Variants in SIK3 observed in about 807,000 individuals in gnomAD.
SIK3 encodes the protein serine/threonine-protein kinase SIK3.
A neutral mutation model predicts 144.2 loss-of-function variants in SIK3; 28 were observed. That is an observed-to-expected ratio of 0.19 (90% CI 0.14 to 0.27). The LOEUF (loss-of-function observed/expected upper bound fraction) is 0.27. Among genes scored for constraint, SIK3 ranks in the 10% least tolerant of loss-of-function variants. The pLI is 1.00. For synonymous variants in SIK3, 686 were observed against 676.3 expected (o/e 1.01, Z -0.22); for missense variants, 1,319 against 1,776.0 (o/e 0.74, Z 4.62).
intron 14 of SIK3, among the ~76,000 whole-genome samples, chr11:116,868,371 C>T (rs1263448375): frequency 6.6e-6 from 1 of 152,224 alleles, no homozygotes; most frequent in African/African-American, 2.4e-5. Flanking sequence ...CTTTTCCTTG[C>T]TTCATTCTAC....
intron 1 of SIK3, among the ~76,000 whole-genome samples, chr11:117,001,547 A>G (rs75858236): frequency 0.16 from 24,578 of 151,928 alleles, 2,106 homozygotes; most frequent in Admixed American, 0.21. Flanking sequence ...AGCTGGGCAC[A>G]GTGGCTCACG....
intron 1 of SIK3, among the ~76,000 whole-genome samples, chr11:116,971,090 A>T (rs1949750472): frequency 6.6e-6 from 1 of 152,194 alleles, no homozygotes; most frequent in Non-Finnish European, 1.5e-5. Flanking sequence ...GCATAACACC[A>T]CTGTTTGCCC....
chr11:117,050,427 T>C (rs145339787), intron 1 of SIK3, among the ~76,000 whole-genome samples: 8,622 of 152,236 alleles, frequency 0.057, 530 homozygotes, highest in African/African-American at 0.15. Flanking sequence ...GGCTCATGCC[T>C]GTAATCCCAG....
chr11:116,861,131 C>G lies in SIK3; in HGVS notation c.2425+143G>C, dbSNP rs912080967. ...AAACTGATGGAACCAGGATGCAAAC[C>G]AAAGCAGCTTGGCTCTAGAGTCCAT... On this transcript the variant is annotated intron_variant, in intron 19 of 24. Transcript: ENST00000445177. The G allele has an allele frequency of 2.4e-5, 16 of 668,406 alleles. No individual in the cohort carries two copies. The Admixed American group carries it at 5.3e-4, about 22-fold the overall frequency. 41.4% of individuals were successfully genotyped at this position (668,406 alleles called of 1,614,324 possible). A position where few individuals can be genotyped will look rare whatever the true frequency, so the allele number is the denominator to read the frequency against.
rs1230323133 is a variant in SIK3, at chr11:116,859,348, G to A, written c.2682C>T (p.His894=). The stretch of plus-strand genomic sequence containing the variant: ...TGAGGGTGGCCATCAGGTTGGTACG[G>A]TGCTGCATCTGCATCTGACCAGCAC... ...SPSAGQMQMQ[H]RTNLMATLSY... is the part of the protein sequence containing the mutation. Residue 894 remains histidine, a synonymous_variant, in exon 20 of 25, where the codon CAC becomes CAT. Transcript: ENST00000445177. 1 of 1,614,188 alleles carries A rather than the reference G, an allele frequency of 6.2e-7. No individual in the cohort carries two copies. The highest frequency in any genetic ancestry group is 1.1e-5 in the South Asian group (1 of 91,082).
chr11:116,974,525 G>C (rs1248432960), intron 1 of SIK3, among the ~76,000 whole-genome samples: 1 of 151,880 alleles, frequency 6.6e-6, no homozygotes, highest in East Asian at 1.9e-4. Context: ...CCAGCGACTG[G>C]GCCTACAGGC....
chr11:116,974,856 T>C (rs1949891233), intron 1 of SIK3, among the ~76,000 whole-genome samples: 1 of 152,220 alleles, frequency 6.6e-6, no homozygotes, highest in African/African-American at 2.4e-5. Context: ...ATAATGTTAG[T>C]TAAGGAATCC....
chr11:117,055,725 C>T lies in SIK3; in HGVS notation c.273+42418G>A, dbSNP rs75522395. ...GCCTCTAAAAGTCAGATGTTGCCAA[C>T]GTGATGGTATTAAGAAGTCGGGCCT... On this transcript the variant is annotated intron_variant, in intron 1 of 24. Coordinates refer to ENST00000445177, the MANE Select transcript of SIK3 (RefSeq NM_001366686.3). Among the ~76,000 whole-genome samples, 877 of 152,324 alleles carry T rather than the reference C, an allele frequency of 5.8e-3. 9 individuals are homozygous for T. The highest frequency in any genetic ancestry group is 0.02 in the African/African-American group (815 of 41,572).
intron 1 of SIK3, among the ~76,000 whole-genome samples, chr11:117,036,349 G>A (rs1240840271): frequency 6.6e-6 from 1 of 152,164 alleles, no homozygotes; most frequent in Non-Finnish European, 1.5e-5. Flanking sequence ...AGGTTTGGAA[G>A]ACCCATTCTG....
chr11:116,920,629 T>C (rs1418039247), intron 4 of SIK3, among the ~76,000 whole-genome samples: 2 of 152,216 alleles, frequency 1.3e-5, no homozygotes, highest in Non-Finnish European at 2.9e-5. Flanking sequence ...TTATTAACAC[T>C]TGCTGGAATT....
intron 1 of SIK3, among the ~76,000 whole-genome samples, chr11:117,003,994 T>C (rs1591517953): frequency 6.6e-6 from 1 of 152,220 alleles, no homozygotes; most frequent in South Asian, 2.1e-4. Flanking sequence ...ATGGAGAATA[T>C]GGGGAAAAAA....
At position 116,929,498 on chromosome 11, in the gene SIK3, A is replaced by AT. The variant is rs1190485863; in HGVS notation, c.455-2119dup. On this transcript the variant is annotated intron_variant, in intron 3 of 24. Transcript: ENST00000445177. ...TCTTTTATTAAGAAAGTCTTTATAA[A>AT]TTTCTAAGTACCTTGTTTTCCTAAA... is the stretch of plus-strand genomic sequence containing the variant. Among the ~76,000 whole-genome samples the AT allele has an allele frequency of 2.1e-3, 314 of 151,368 alleles. 3 individuals carry two copies. The highest frequency in any genetic ancestry group is 7.2e-3 in the African/African-American group (293 of 40,760).
At position 117,005,213 on chromosome 11, in the gene SIK3, C is replaced by T. The variant is rs572382444; in HGVS notation, c.274-48149G>A. 4.7e-4 allele frequency among the ~76,000 whole-genome samples: 71 copies of T among 151,658 alleles called. 1 individual carries two copies. The highest frequency in any genetic ancestry group is 3.4e-3 in the Middle Eastern group (1 of 294). On this transcript the variant is annotated intron_variant, in intron 1 of 24. Transcript: ENST00000445177. ...ATCCCAGCACTTTGGGAGGCTGAGG[C>T]GGGCAGATCACCTGAGGTCAGGAGT...
At position 117,098,169 on chromosome 11, in the gene SIK3, C is replaced by A; in HGVS notation, c.247G>T (p.Ala83Ser). 1.3e-6 allele frequency: 2 copies of A among 1,516,394 alleles called. No homozygotes were observed. The allele number at this position is 1,516,394 out of a possible 1,614,324, so 93.9% of individuals were successfully genotyped here. A position where few individuals can be genotyped will look rare whatever the true frequency, so the allele number is the denominator to read the frequency against. ...GKGNFAVVKR[A>S]THLVTKAKVA... ...TTGGCCTTGGTGACGAGGTGCGTGGCCCGCTTGACCACCGCGAAGTTGCCC... is the reference window on the plus strand; with the variant it reads ...TTGGCCTTGGTGACGAGGTGCGTGGACCGCTTGACCACCGCGAAGTTGCCC... The change falls in exon 1 of 25, where the codon GCC becomes TCC. Residue 83 changes from alanine to serine, a missense_variant. Physicochemically the swap from Ala to Ser is moderately conservative, Grantham distance 99. Around this residue, in one of 8 missense-constraint regions of SIK3, gnomAD observed 125 missense variants for 285.2 expected, o/e 0.44. Coordinates refer to ENST00000445177, the MANE Select transcript of SIK3 (RefSeq NM_001366686.3).
intron 1 of SIK3, among the ~76,000 whole-genome samples, chr11:117,042,115 T>C (rs749481750): frequency 6.6e-6 from 1 of 152,184 alleles, no homozygotes; most frequent in Non-Finnish European, 1.5e-5. Context: ...CAACTGCTAA[T>C]AACTGACTTC....
At chr11:116,999,263 T>C (rs1317757881) in intron 1 of SIK3, among the ~76,000 whole-genome samples, 3 of 152,238 alleles carry the variant, frequency 2.0e-5, no homozygotes, top group Non-Finnish European at 4.4e-5. Context: ...GGTCCATCTC[T>C]TCTTTATGCT....
At chr11:116,861,163 G>A (rs1943301460) in intron 19 of SIK3, 111 bp downstream of exon 19, 2 of 868,014 alleles carry the variant, frequency 2.3e-6, no homozygotes, top group Admixed American at 2.9e-5. Context: ...CCATACCCCT[G>A]AATACTATGT....
At chr11:116,971,548 T>A (rs945657612) in intron 1 of SIK3, among the ~76,000 whole-genome samples, 2 of 152,224 alleles carry the variant, frequency 1.3e-5, no homozygotes, top group East Asian at 3.8e-4. Flanking sequence ...GCACTAAATT[T>A]TTTTGTTACT....
intron 3 of SIK3, among the ~76,000 whole-genome samples, chr11:116,944,517 A>G (rs1354492889): frequency 6.6e-6 from 1 of 152,176 alleles, no homozygotes; most frequent in Non-Finnish European, 1.5e-5. Flanking sequence ...CACTGAACAC[A>G]GAGGCTGGGC....
Sources: gnomAD v4.1 joint callset for allele counts (sites outside exome capture counted in the v4.1 genomes callset) on GRCh38, gnomAD v4.1.1 for gene constraint, gnomAD v4.1.1 regional missense constraint, MANE v1.5 for transcripts, NCBI Gene and HGNC (gene_info 2026-07-23, HGNC 2026-07-21) for gene names.